The following DIPK1C variants were observed in gnomAD, a reference collection of about 807,000 sequenced individuals.
DIPK1C encodes divergent protein kinase domain 1C.
DIPK1C carries 33 observed loss-of-function variants against 28.0 expected under a neutral mutation model. The observed-to-expected ratio is 1.18, with a 90% confidence interval of 0.89 to 1.58. The LOEUF is 1.58. Ranked by LOEUF, DIPK1C falls within the 40% of genes most tolerant of loss-of-function variation. The pLI, the probability that DIPK1C is intolerant of heterozygous loss-of-function variation, is 0.00. For missense variants in DIPK1C, 569 were observed against 568.5 expected (o/e 1.00, Z -0.01); for synonymous variants, 255 against 248.8 (o/e 1.02, Z -0.23).
At position 74,447,260 on chromosome 18, in the gene DIPK1C, C is replaced by T. The variant is rs201163510; in HGVS notation, c.222G>A (p.Thr74=). Residue 74 remains threonine, a synonymous_variant, in exon 2 of 4, where the codon ACG becomes ACA. Transcript: ENST00000343998. The surrounding 1 kb of genome is among the most constrained non-coding windows in gnomAD (Gnocchi z 4.1). ...AALCQDYQGG[T]LAGDLCEDLC... ...GGTCCTCGCAGAGGTCCCCGGCCAG[C>T]GTGCCGCCCTGGTAGTCCTGGCACT... 1,659 of 1,540,664 alleles carry T rather than the reference C, an allele frequency of 1.1e-3. 31 individuals carry two copies. The South Asian group carries it at 0.018, about 17-fold the overall frequency.
chr18:74,462,982 C>T, the DIPK1C span, among the ~76,000 whole-genome samples: 2 of 152,228 alleles, frequency 1.3e-5, no homozygotes, highest in Non-Finnish European at 2.9e-5. Context: ...ATTCTCTCAA[C>T]TTTGTGGCAC....
intron 3 of DIPK1C, among the ~76,000 whole-genome samples, chr18:74,441,397 T>C (rs1441954470): frequency 6.6e-6 from 1 of 152,106 alleles, no homozygotes; most frequent in African/African-American, 2.4e-5. Context: ...AGAGAGATGA[T>C]CCAACCCCAG....
chr18:74,461,001 G>GGCTGCT (rs890479009), upstream of DIPK1C, among the ~76,000 whole-genome samples: 69 of 152,292 alleles, frequency 4.5e-4, no homozygotes, highest in African/African-American at 1.6e-3. Flanking sequence ...CCAGAGCCAG[G>GGCTGCT]GCTGCTGCTG....
At chr18:74,450,151 C>T (rs1483188645) in intron 1 of DIPK1C, among the ~76,000 whole-genome samples, 2 of 151,876 alleles carry the variant, frequency 1.3e-5, no homozygotes, top group African/African-American at 2.4e-5. Context: ...TGGGGTTTGT[C>T]CCCTACTTGT....
chr18:74,463,626 A>C, the DIPK1C span, among the ~76,000 whole-genome samples: 2 of 152,142 alleles, frequency 1.3e-5, no homozygotes, highest in Admixed American at 6.5e-5. Context: ...AAGCGCATGA[A>C]GATTCCTGTC....
intron 1 of DIPK1C, among the ~76,000 whole-genome samples, chr18:74,448,661 C>T (rs1986327975): frequency 6.6e-6 from 1 of 152,160 alleles, no homozygotes; most frequent in East Asian, 1.9e-4. Context: ...GAGCACCAGG[C>T]ATCAGGAGAA....
At chr18:74,441,268 G>A (rs971556549) in intron 3 of DIPK1C, among the ~76,000 whole-genome samples, 2 of 152,324 alleles carry the variant, frequency 1.3e-5, no homozygotes, top group African/African-American at 4.8e-5. Context: ...CATGGGGAAG[G>A]TCTGCCTAGA....
intron 1 of DIPK1C, among the ~76,000 whole-genome samples, chr18:74,449,375 C>T (rs1297718661): frequency 6.6e-6 from 1 of 152,220 alleles, no homozygotes; most frequent in Non-Finnish European, 1.5e-5. Flanking sequence ...GGCCCCAAAA[C>T]AGCAGATAAG....
At chr18:74,441,675 C>T (rs183000619) in intron 3 of DIPK1C, among the ~76,000 whole-genome samples, 6 of 152,216 alleles carry the variant, frequency 3.9e-5, no homozygotes, top group East Asian at 1.9e-4. Flanking sequence ...GTTGTAGATA[C>T]GTGGGGTGGA....
chr18:74,457,329 C>T, upstream of DIPK1C: 2 of 961,786 alleles, frequency 2.1e-6, no homozygotes, highest in South Asian at 4.6e-5. Context: ...GTAGCTGCTC[C>T]GCGGCTCAGG....
At position 74,446,982 on chromosome 18, in the gene DIPK1C, C is replaced by T. The variant is rs1035587861; in HGVS notation, c.500G>A (p.Ser167Asn). 1.3e-6 allele frequency: 2 copies of T among 1,520,874 alleles called. No homozygotes were observed. The highest frequency in any genetic ancestry group is 1.8e-6 in the Non-Finnish European group (2 of 1,128,936). 94.2% of individuals were successfully genotyped at this position (1,520,874 alleles called of 1,614,324 possible). A position where few individuals can be genotyped will look rare whatever the true frequency, so the allele number is the denominator to read the frequency against. Residue 167 changes from serine to asparagine, a missense_variant, in exon 2 of 4, where the codon AGC becomes AAC. By Grantham distance (46) the Ser-to-Asn change is conservative (BLOSUM62 1). Coordinates refer to ENST00000343998, the MANE Select transcript of DIPK1C (RefSeq NM_001044369.3). The stretch of plus-strand genomic sequence containing the variant: ...CCTGCCCGGCCACCACGGCCCCAGG[C>T]TGCTGTTGGACAACTCCAGGCCCAG... ...SALGLELSNS[S>N]LGPWWPGRRG... is the part of the protein sequence containing the mutation.
chr18:74,447,209 G>A lies in DIPK1C; in HGVS notation c.273C>T (p.Phe91=). The change falls in exon 2 of 4, where the codon TTC becomes TTT. Residue 91 remains phenylalanine, a synonymous_variant. Coordinates refer to ENST00000343998, the MANE Select transcript of DIPK1C (RefSeq NM_001044369.3). The surrounding 1 kb of genome is among the most constrained non-coding windows in gnomAD (Gnocchi z 4.1). ...EDLCVAGELL[F]QRCLHYNRGK... ...CTCTGTTGTAGTGCAGGCAGCGTTG[G>A]AACAGCAGCTCTCCCGCCACACACA... is the stretch of plus-strand genomic sequence containing the variant. The A allele has an allele frequency of 6.5e-7, 1 of 1,550,286 alleles. No individual in the cohort carries two copies. Among genetic ancestry groups the A allele is most frequent in the Non-Finnish European group, 8.7e-7 (1 of 1,146,908 alleles).
At chr18:74,458,255 G>T (rs1039977976), upstream of DIPK1C, among the ~76,000 whole-genome samples, 11 of 152,128 alleles carry the variant, frequency 7.2e-5, no homozygotes, top group African/African-American at 2.7e-4. Flanking sequence ...TGTGAAAGCC[G>T]CCACGCCCGG....
chr18:74,447,216 A>G lies in DIPK1C; in HGVS notation c.266T>C (p.Leu89Pro), dbSNP rs1430457322. The change falls in exon 2 of 4, where the codon CTG becomes CCG. Residue 89 changes from leucine to proline, a missense_variant. Coordinates refer to ENST00000343998, the MANE Select transcript of DIPK1C (RefSeq NM_001044369.3). The surrounding 1 kb of genome is among the most constrained non-coding windows in gnomAD (Gnocchi z 4.1). ...GTAGTGCAGGCAGCGTTGGAACAGC[A>G]GCTCTCCCGCCACACACAGGTCCTC... ...LCEDLCVAGE[L>P]LFQRCLHYNR... 34 of 1,549,774 alleles carry G rather than the reference A, an allele frequency of 2.2e-5. No homozygotes were observed. The highest frequency in any genetic ancestry group is 2.9e-5 in the Non-Finnish European group (33 of 1,146,652).
Position 74,435,284 on chromosome 18 carries a change from C to T in DIPK1C, c.*1217G>A, listed in dbSNP as rs1289534127. On this transcript the variant is annotated 3_prime_UTR_variant, in exon 4 of 4. Transcript: ENST00000343998. ...ATGGGATTTCTGAAAAGGGGTGACC[C>T]GTTGGTTTGTTGAGCACTCGTGGGT... The T allele has an allele frequency of 6.6e-6, 1 of 152,188 alleles. No individual in the cohort carries two copies. Among genetic ancestry groups the T allele is most frequent in the Non-Finnish European group, 1.5e-5 (1 of 68,034 alleles). The allele number at this position is 152,188 out of a possible 1,614,324, so 9.4% of individuals were successfully genotyped here.
At chr18:74,452,471 C>T (rs148120289) in intron 1 of DIPK1C, among the ~76,000 whole-genome samples, 156 of 152,004 alleles carry the variant, frequency 1.0e-3, no homozygotes, top group African/African-American at 3.5e-3. Context: ...GGGCCAGGCA[C>T]AGTGGATCAT....
chr18:74,452,270 G>A (rs527915652), intron 1 of DIPK1C, among the ~76,000 whole-genome samples: 3 of 152,162 alleles, frequency 2.0e-5, no homozygotes, highest in Non-Finnish European at 2.9e-5. Context: ...TATTTTTGGC[G>A]TTTCAGTTCC....
At chr18:74,445,433 G>A (rs1986238081) in intron 2 of DIPK1C, among the ~76,000 whole-genome samples, 1 of 152,228 alleles carries the variant, frequency 6.6e-6, no homozygotes, top group Non-Finnish European at 1.5e-5. Context: ...TTAGGACAAA[G>A]CACTGAGGGT....
chr18:74,447,354 G>A lies in DIPK1C; in HGVS notation c.199-71C>T, dbSNP rs1006864999. 68 of 1,405,044 alleles carry A rather than the reference G, an allele frequency of 4.8e-5. No individual in the cohort carries two copies. In the African/African-American group the frequency reaches 9.6e-4, roughly 20 times the overall value. 87.0% of individuals were successfully genotyped at this position (1,405,044 alleles called of 1,614,324 possible). ...CATCCGTCTCTCGGCTCGGGTTAGGGAAGGGGACAGCCTAGCCTCTGCCCT... is the reference window on the plus strand; with the variant it reads ...CATCCGTCTCTCGGCTCGGGTTAGGAAAGGGGACAGCCTAGCCTCTGCCCT... On this transcript the variant is annotated intron_variant, in intron 1 of 3. Transcript: ENST00000343998. This position sits in a 1 kb window ranked among gnomAD's most constrained non-coding sequence, Gnocchi z 4.1.
Sources: gnomAD v4.1 joint callset for allele counts (sites outside exome capture counted in the v4.1 genomes callset) on GRCh38, gnomAD v4.1.1 for gene constraint, Gnocchi (gnomAD v3.1) non-coding constraint, MANE v1.5 for transcripts, NCBI Gene and HGNC (gene_info 2026-07-23, HGNC 2026-07-21) for gene names.